KCNT2: variants seen among roughly 807,000 people sequenced by gnomAD.
The protein encoded by KCNT2 is potassium channel subfamily T member 2.
In KCNT2, 67 loss-of-function variants were observed where a neutral mutation model predicts 153.8. That is an observed-to-expected ratio of 0.44 (90% CI 0.36 to 0.53). The LOEUF (loss-of-function observed/expected upper bound fraction) is 0.53, where lower values mean the gene tolerates loss of function less well. Among genes scored for constraint, KCNT2 ranks in the 20% least tolerant of loss-of-function variants. KCNT2 has a pLI of 0.00. For missense variants in KCNT2, 975 were observed against 1,354.8 expected (o/e 0.72, Z 4.40); for synonymous variants, 500 against 458.8 (o/e 1.09, Z -1.15).
chr1:196,601,684 A>G (rs1572947100), intron 1 of KCNT2, among the ~76,000 whole-genome samples: 1 of 152,222 alleles, frequency 6.6e-6, no homozygotes, highest in Non-Finnish European at 1.5e-5. Flanking sequence ...CACCAATTTT[A>G]TAGCCATCTT....
At chr1:196,504,172 G>A (rs1680926647) in intron 1 of KCNT2, among the ~76,000 whole-genome samples, 1 of 151,820 alleles carries the variant, frequency 6.6e-6, no homozygotes, top group African/African-American at 2.4e-5. Flanking sequence ...ACATGCTGGT[G>A]TGCTGCACCC....
intron 1 of KCNT2, among the ~76,000 whole-genome samples, chr1:196,525,381 C>A (rs1558040746): frequency 6.6e-6 from 1 of 151,942 alleles, no homozygotes; most frequent in Non-Finnish European, 1.5e-5. Flanking sequence ...GCTTTTTGTT[C>A]GTAATTTCCC....
At position 196,282,321 on chromosome 1, in the gene KCNT2, T is replaced by C; in HGVS notation, c.2733A>G (p.Arg911=). Residue 911 remains arginine (R), a synonymous_variant, in exon 24 of 28, where the codon AGA becomes AGG. Coordinates refer to ENST00000294725, the MANE Select transcript of KCNT2 (RefSeq NM_198503.5). ...GTGTAGTGTCCAGTCCCAACAGAAG[T>C]CTCGTGATAGAAATCATATAATCCT... ...FVKDYMISIT[R]LLLGLDTTPG... is the part of the protein sequence containing the mutation. 5.6e-6 allele frequency: 9 copies of C among 1,601,568 alleles called. No homozygotes were observed. Among genetic ancestry groups the C allele is most frequent in the Non-Finnish European group, 7.7e-6 (9 of 1,169,318 alleles).
intron 19 of KCNT2, among the ~76,000 whole-genome samples, chr1:196,320,593 A>G (rs1020075497): frequency 1.3e-5 from 2 of 151,778 alleles, no homozygotes; most frequent in East Asian, 3.9e-4. Context: ...GGTACCTACA[A>G]GCCTCCCTGG....
At chr1:196,383,006 A>G (rs1669640349) in intron 13 of KCNT2, among the ~76,000 whole-genome samples, 1 of 152,092 alleles carries the variant, frequency 6.6e-6, no homozygotes, top group Non-Finnish European at 1.5e-5. Context: ...AGCTATGGGA[A>G]AAAAATGAAA....
chr1:196,398,521 T>C, intron 13 of KCNT2, 42 bp downstream of exon 13: 1 of 1,092,056 alleles, frequency 9.2e-7, no homozygotes, highest in Non-Finnish European at 1.4e-6. Context: ...ACTATAGGAG[T>C]TTCAGGAAAT....
At chr1:196,488,112 T>A (rs1447859641) in intron 3 of KCNT2, among the ~76,000 whole-genome samples, 1 of 152,024 alleles carries the variant, frequency 6.6e-6, no homozygotes, top group East Asian at 1.9e-4. Flanking sequence ...CTTTTCATAT[T>A]ATTCAGTTTT....
chr1:196,379,416 C>CA (rs1334362921), intron 13 of KCNT2, among the ~76,000 whole-genome samples: 2 of 151,868 alleles, frequency 1.3e-5, no homozygotes, highest in African/African-American at 2.4e-5. Flanking sequence ...ACCAAAAATA[C>CA]AAAAAATTAG....
intron 21 of KCNT2, among the ~76,000 whole-genome samples, chr1:196,315,231 T>C (rs1245166217): frequency 6.6e-6 from 1 of 151,678 alleles, no homozygotes. Flanking sequence ...TTTGGATATT[T>C]AAAATTTCAT....
intron 13 of KCNT2, among the ~76,000 whole-genome samples, chr1:196,376,118 C>T (rs1334655118): frequency 6.6e-6 from 1 of 151,676 alleles, no homozygotes; most frequent in Admixed American, 6.6e-5. Context: ...TCTAACTGCC[C>T]CTCATTTCCC....
At chr1:196,525,494 T>C (rs923941094) in intron 1 of KCNT2, among the ~76,000 whole-genome samples, 8 of 152,228 alleles carry the variant, frequency 5.3e-5, no homozygotes, top group Non-Finnish European at 1.2e-4. Context: ...TAGATGAGCT[T>C]TCTTCAATCA....
rs143559110 is a variant in KCNT2 at position 196,379,785 on chromosome 1, C to T, written c.1295-6537G>A. Reference sequence around the variant, plus strand: ...TCAAGTGGTATCACCAGTGAGTGTGCCAGGCCATGGGCAAATTTCTTAATC... The same window carrying T: ...TCAAGTGGTATCACCAGTGAGTGTGTCAGGCCATGGGCAAATTTCTTAATC... On this transcript the variant is annotated intron_variant, in intron 13 of 27. Transcript: ENST00000294725. Among the ~76,000 whole-genome samples, 640 of 152,164 alleles carry T rather than the reference C, an allele frequency of 4.2e-3. 2 individuals carry two copies. Among genetic ancestry groups the T allele is most frequent in the Non-Finnish European group, 7.7e-3 (526 of 67,988 alleles).
rs1250880253 is a variant in KCNT2 at position 196,489,458 on chromosome 1, T to C, written c.275+380A>G. ...GAAGAAAACTATTAAGGGAGTCTTATGAGGAGATTACAATGTTAAATAGGA... is the reference window on the plus strand; with the variant it reads ...GAAGAAAACTATTAAGGGAGTCTTACGAGGAGATTACAATGTTAAATAGGA... On this transcript the variant is annotated intron_variant, in intron 3 of 27. Coordinates refer to ENST00000294725, the MANE Select transcript of KCNT2 (RefSeq NM_198503.5). 2.6e-5 allele frequency among the ~76,000 whole-genome samples: 4 copies of C among 151,928 alleles called. No individual in the cohort carries two copies. The South Asian group carries it at 8.3e-4, about 31-fold the overall frequency.
chr1:196,572,587 G>A (rs1399136713), intron 1 of KCNT2, among the ~76,000 whole-genome samples: 1 of 152,054 alleles, frequency 6.6e-6, no homozygotes, highest in Non-Finnish European at 1.5e-5. Context: ...ACCACTTTGG[G>A]TGGGATTACT....
At chr1:196,540,976 G>T (rs1656279600) in intron 1 of KCNT2, among the ~76,000 whole-genome samples, 1 of 152,010 alleles carries the variant, frequency 6.6e-6, no homozygotes, top group Non-Finnish European at 1.5e-5. Flanking sequence ...TGAGGTAGGA[G>T]AATGGAGTGA....
intron 13 of KCNT2, 72 bp downstream of exon 13, chr1:196,398,491 A>T (rs1411130764): frequency 1.4e-6 from 1 of 729,388 alleles, no homozygotes; most frequent in Non-Finnish European, 2.3e-6. Flanking sequence ...CACTTAGTTC[A>T]GAGACTTAAC....
intron 12 of KCNT2, among the ~76,000 whole-genome samples, chr1:196,407,387 AC>A (rs1350763594): frequency 6.6e-6 from 1 of 151,494 alleles, no homozygotes; most frequent in Non-Finnish European, 1.5e-5. Context: ...TGTACTAAAA[AC>A]TCAGTTATAT....
intron 8 of KCNT2, among the ~76,000 whole-genome samples, chr1:196,447,742 C>T (rs755377339): frequency 7.3e-5 from 11 of 151,088 alleles, no homozygotes; most frequent in Non-Finnish European, 1.3e-4. Flanking sequence ...AGTGGAGTAA[C>T]TGACAGAGAA....
At chr1:196,512,497 C>T (rs937667179) in intron 1 of KCNT2, among the ~76,000 whole-genome samples, 3 of 152,160 alleles carry the variant, frequency 2.0e-5, no homozygotes, top group Non-Finnish European at 4.4e-5. Context: ...GATGTCAAAT[C>T]TATTCTTCTC....
Sources: allele counts gnomAD v4.1 joint callset (sites outside exome capture counted in the v4.1 genomes callset), GRCh38; gene constraint gnomAD v4.1.1; transcripts MANE v1.5; gene names NCBI Gene and HGNC (gene_info 2026-07-23, HGNC 2026-07-21).